The following DPP6 variants were observed in gnomAD, a reference collection of about 807,000 sequenced individuals.
DPP6 encodes the protein A-type potassium channel modulatory protein DPP6.
Under a neutral mutation model 122.6 loss-of-function variants are expected in DPP6, and 69 were observed. The ratio of observed to expected loss-of-function variants is 0.56; its 90% CI spans 0.46 to 0.69. DPP6 has a LOEUF of 0.69. DPP6 is among the 30% of genes least tolerant of loss of function. DPP6 has a pLI of 0.00. For missense variants in DPP6, 928 were observed against 1,116.9 expected (o/e 0.83, Z 2.41); for synonymous variants, 418 against 433.1 (o/e 0.97, Z 0.43).
At chr7:154,528,936 G>A (rs561737833) in intron 3 of DPP6, among the ~76,000 whole-genome samples, 8 of 152,290 alleles carry the variant, frequency 5.3e-5, no homozygotes, top group African/African-American at 1.9e-4. Flanking sequence ...TGGGGTGATA[G>A]GCATTCAAAT....
chr7:154,704,840 A>T (rs1165084671), intron 7 of DPP6, among the ~76,000 whole-genome samples: 1 of 152,190 alleles, frequency 6.6e-6, no homozygotes, highest in East Asian at 1.9e-4. Context: ...TATTCACTTT[A>T]TTGTGGTGGT....
At chr7:154,767,182 C>T (rs976792633) in intron 8 of DPP6, among the ~76,000 whole-genome samples, 1 of 152,146 alleles carries the variant, frequency 6.6e-6, no homozygotes, top group African/African-American at 2.4e-5. Flanking sequence ...ATTAATGTCC[C>T]GTGGAAACCA....
At chr7:154,176,754 A>C (rs1002841526) in intron 1 of DPP6, among the ~76,000 whole-genome samples, 6 of 152,248 alleles carry the variant, frequency 3.9e-5, no homozygotes, top group African/African-American at 1.4e-4. Context: ...AGAGTCGAGC[A>C]GGCAGCGCGT....
chr7:154,578,587 G>A (rs1246414297), intron 5 of DPP6, among the ~76,000 whole-genome samples: 1 of 152,144 alleles, frequency 6.6e-6, no homozygotes, highest in African/African-American at 2.4e-5. Flanking sequence ...CATAACCACA[G>A]TTTTGGAATC....
intron 16 of DPP6, among the ~76,000 whole-genome samples, chr7:154,832,356 G>A (rs1584831707): frequency 1.3e-5 from 2 of 152,152 alleles, no homozygotes; most frequent in South Asian, 2.1e-4. Context: ...TGGAACCAAC[G>A]ATAAGTATGC....
At chr7:154,850,951 G>A (rs1186278566) in intron 16 of DPP6, among the ~76,000 whole-genome samples, 1 of 152,162 alleles carries the variant, frequency 6.6e-6, no homozygotes, top group East Asian at 1.9e-4. Flanking sequence ...TGTAAAGCTT[G>A]CAGATATACA....
intron 16 of DPP6, 40 bp downstream of exon 16, chr7:154,807,152 AGGCACATTTGCAGGGAGGGGGTG>A (rs774461676): frequency 6.4e-7 from 1 of 1,565,968 alleles, no homozygotes; most frequent in South Asian, 1.1e-5. Context: ...GAGCCCTGGC[AGGCACATTTGCAGGGAGGGGGTG>A]GGCACACTTG....
rs368027897 is a variant in DPP6 at position 154,690,042 on chromosome 7, G to A, written c.762+20601G>A. Among the ~76,000 whole-genome samples, 49 of 152,312 alleles carry A rather than the reference G, an allele frequency of 3.2e-4. 1 individual carries two copies. The highest frequency in any genetic ancestry group is 1.2e-3 in the African/African-American group (48 of 41,572). ...TCACTGGCCCACAATAACTAAAGCA[G>A]TACTACTTGGCACCAGTGTGCTTAT... is the stretch of plus-strand genomic sequence containing the variant. On this transcript the variant is annotated intron_variant, in intron 7 of 25. Coordinates refer to ENST00000377770, the MANE Select transcript of DPP6 (RefSeq NM_130797.4).
chr7:154,198,363 G>A (rs1369238499), intron 1 of DPP6, among the ~76,000 whole-genome samples: 1 of 151,950 alleles, frequency 6.6e-6, no homozygotes, highest in Non-Finnish European at 1.5e-5. Context: ...CCAGGCTGGA[G>A]TGCAGTGGCG....
chr7:154,294,723 C>T (rs1271955970), intron 1 of DPP6, among the ~76,000 whole-genome samples: 1 of 151,742 alleles, frequency 6.6e-6, no homozygotes, highest in Non-Finnish European at 1.5e-5. Context: ...CTTGGAGCCC[C>T]AGACAGGGGA....
intron 3 of DPP6, among the ~76,000 whole-genome samples, chr7:154,500,727 G>C (rs972825395): frequency 2.6e-5 from 4 of 152,200 alleles, no homozygotes; most frequent in Admixed American, 6.5e-5. Context: ...GCAGTCTTGG[G>C]TATGTCTTTA....
intron 3 of DPP6, among the ~76,000 whole-genome samples, chr7:154,489,273 T>C (rs536690754): frequency 3.3e-5 from 5 of 152,332 alleles, no homozygotes; most frequent in Admixed American, 6.5e-5. Flanking sequence ...ATCAGAGTTC[T>C]CTTCAAACTT....
intron 5 of DPP6, among the ~76,000 whole-genome samples, chr7:154,608,341 A>ATATATATATATATATT (rs1468792635): frequency 8.1e-6 from 1 of 123,196 alleles, no homozygotes; most frequent in Non-Finnish European, 1.7e-5. Context: ...ATATATATAT[A>ATATATATATATATATT]TTTTGAGATG....
the DPP6 span, among the ~76,000 whole-genome samples, chr7:153,834,158 G>A: frequency 1.8e-3 from 269 of 151,990 alleles, 3 homozygotes; most frequent in Non-Finnish European, 2.5e-3. Context: ...GTGGCAGTGG[G>A]CGCCTGTAGT....
At chr7:154,088,791 A>T (rs1266350601) in intron 1 of DPP6, among the ~76,000 whole-genome samples, 1 of 152,102 alleles carries the variant, frequency 6.6e-6, no homozygotes, top group Non-Finnish European at 1.5e-5. Flanking sequence ...TTTCCTGAGG[A>T]GGTCTGGGTC....
intron 1 of DPP6, among the ~76,000 whole-genome samples, chr7:154,264,799 G>T (rs1269576213): frequency 6.6e-6 from 1 of 152,018 alleles, no homozygotes; most frequent in East Asian, 1.9e-4. Flanking sequence ...TGTTGATGCT[G>T]GTGATAATGG....
At chr7:154,572,254 CTGA>C (rs1220714592) in intron 5 of DPP6, among the ~76,000 whole-genome samples, 1 of 152,160 alleles carries the variant, frequency 6.6e-6, no homozygotes, top group Non-Finnish European at 1.5e-5. Context: ...GAAGAACACC[CTGA>C]TGTGGATAAT....
At chr7:153,998,800 A>T (rs1003929598) in intron 1 of DPP6, among the ~76,000 whole-genome samples, 1 of 152,234 alleles carries the variant, frequency 6.6e-6, no homozygotes, top group African/African-American at 2.4e-5. Context: ...TGAAGACATG[A>T]GTCTATGAAG....
chr7:154,720,147 C>T (rs1841721705), intron 7 of DPP6, among the ~76,000 whole-genome samples: 1 of 152,186 alleles, frequency 6.6e-6, no homozygotes, highest in South Asian at 2.1e-4. Context: ...AGGGCAGGAT[C>T]TGGATAGATG....
Sources: allele counts gnomAD v4.1 joint callset (sites outside exome capture counted in the v4.1 genomes callset), GRCh38; gene constraint gnomAD v4.1.1; transcripts MANE v1.5; gene names NCBI Gene and HGNC (gene_info 2026-07-23, HGNC 2026-07-21).